Variants in SGCG observed in about 807,000 individuals in gnomAD.
The protein encoded by SGCG is sarcoglycan gamma.
Under a neutral mutation model 29.3 loss-of-function variants are expected in SGCG, and 26 were observed. That is an observed-to-expected ratio of 0.89 (90% CI 0.65 to 1.23). The LOEUF is 1.23. SGCG is among the 50% of genes most tolerant of loss of function. The pLI, the probability that SGCG is intolerant of heterozygous loss-of-function variation, is 0.00. For missense variants in SGCG, 353 were observed against 356.0 expected (o/e 0.99, Z 0.07); for synonymous variants, 145 against 129.7 (o/e 1.12, Z -0.80).
At chr13:23,247,397 AG>A (rs1484244218) in intron 3 of SGCG, among the ~76,000 whole-genome samples, 3 of 152,148 alleles carry the variant, frequency 2.0e-5, no homozygotes, top group African/African-American at 7.2e-5. Context: ...GATGGGAGGA[AG>A]GCTAAGGTAA....
chr13:23,187,033 G>C (rs1877004996), intron 1 of SGCG, among the ~76,000 whole-genome samples: 1 of 152,198 alleles, frequency 6.6e-6, no homozygotes, highest in Non-Finnish European at 1.5e-5. Context: ...AGTGTCTGCT[G>C]TGGACAGTTT....
chr13:23,235,957 G>C (rs1879292217), intron 3 of SGCG, among the ~76,000 whole-genome samples: 1 of 152,164 alleles, frequency 6.6e-6, no homozygotes, highest in South Asian at 2.1e-4. Context: ...CATGGCATGT[G>C]ACTAACACAT....
chr13:23,316,968 AG>A (rs1882839444), intron 6 of SGCG, among the ~76,000 whole-genome samples: 2 of 152,142 alleles, frequency 1.3e-5, no homozygotes, highest in South Asian at 4.1e-4. Context: ...GCACTTTGGG[AG>A]GCCAAGGTGG....
chr13:23,184,714 T>C lies in SGCG; in HGVS notation c.-1+3639T>C, dbSNP rs559865359. Reference sequence around the variant, plus strand: ...CCCTGTCTCACTTCTCTAAGAAGTGTCCTTGGCCTCAGCCCACACCTTGCC... The same window carrying C: ...CCCTGTCTCACTTCTCTAAGAAGTGCCCTTGGCCTCAGCCCACACCTTGCC... On this transcript the variant is annotated intron_variant, in intron 1 of 7. Coordinates refer to ENST00000218867, the MANE Select transcript of SGCG (RefSeq NM_000231.3). Among the ~76,000 whole-genome samples, 4 of 152,284 alleles carry C rather than the reference T, an allele frequency of 2.6e-5. No homozygotes were observed. In the South Asian group the frequency reaches 6.2e-4, roughly 24 times the overall value.
the SGCG span, among the ~76,000 whole-genome samples, chr13:23,167,060 C>T: frequency 1.3e-5 from 2 of 152,216 alleles, no homozygotes; most frequent in Non-Finnish European, 2.9e-5. Context: ...CACTACCCTT[C>T]CCAGCCTTTG....
Position 23,295,356 on chromosome 13 carries a change from T to G in SGCG, c.506-59T>G. The G allele has an allele frequency of 4.0e-6, 5 of 1,258,736 alleles. No individual in the cohort carries two copies. The South Asian group carries it at 4.8e-5, about 12-fold the overall frequency. 78.0% of individuals were successfully genotyped at this position (1,258,736 alleles called of 1,614,324 possible). On this transcript the variant is annotated intron_variant, in intron 5 of 7. Coordinates refer to ENST00000218867, the MANE Select transcript of SGCG (RefSeq NM_000231.3). The stretch of plus-strand genomic sequence containing the variant: ...CTTTAATATCTAGGCTAAATGTTTA[T>G]TTTGTTTGGTGTCACTTATTTTACT...
intron 6 of SGCG, among the ~76,000 whole-genome samples, chr13:23,297,837 C>A (rs543468911): frequency 2.6e-5 from 4 of 151,572 alleles, no homozygotes; most frequent in African/African-American, 7.3e-5. Context: ...CTCTGCCTCC[C>A]GGATTCAAGC....
Position 23,324,442 on chromosome 13 carries a change from G to A in SGCG, c.777G>A (p.Gln259=). The A allele has an allele frequency of 6.2e-7, 1 of 1,614,118 alleles. No homozygotes were observed. Among genetic ancestry groups the A allele is most frequent in the East Asian group, 2.2e-5 (1 of 44,876 alleles). The change falls in exon 8 of 8, where the codon CAG becomes CAA. Residue 259 remains glutamine (Q), a synonymous_variant. Coordinates refer to ENST00000218867, the MANE Select transcript of SGCG (RefSeq NM_000231.3). ...CGTGGGGTCCCTCTGGCAGCTCACA[G>A]AGCCTCTACGAAATCTGTGTGTGTC... ...QGTWGPSGSS[Q]SLYEICVCPD... is the part of the protein sequence containing the mutation.
intron 6 of SGCG, among the ~76,000 whole-genome samples, chr13:23,298,653 A>G (rs9510681): frequency 0.37 from 56,317 of 151,816 alleles, 10,992 homozygotes; most frequent in East Asian, 0.78. Context: ...AAATCATTCA[A>G]ATCTGTGGAA....
intron 5 of SGCG, among the ~76,000 whole-genome samples, chr13:23,283,683 T>C (rs1253700105): frequency 6.6e-6 from 1 of 152,220 alleles, no homozygotes; most frequent in Non-Finnish European, 1.5e-5. Context: ...ATTTTACCCA[T>C]TAGTTGATGC....
intron 1 of SGCG, among the ~76,000 whole-genome samples, chr13:23,186,463 G>C (rs1876976742): frequency 6.6e-6 from 1 of 152,182 alleles, no homozygotes; most frequent in Non-Finnish European, 1.5e-5. Flanking sequence ...CTCCCTGCTG[G>C]GAGCAGACTT....
At chr13:23,239,016 C>G in intron 3 of SGCG, among the ~76,000 whole-genome samples, 1 of 151,724 alleles carries the variant, frequency 6.6e-6, no homozygotes, top group East Asian at 1.9e-4. Context: ...ACTGGCATCT[C>G]CAAAGAAGAA....
chr13:23,194,158 T>A (rs1399761013), intron 1 of SGCG, among the ~76,000 whole-genome samples: 1 of 152,222 alleles, frequency 6.6e-6, no homozygotes, highest in East Asian at 1.9e-4. Flanking sequence ...AAATAACTTC[T>A]GGAAATACAT....
At chr13:23,209,455 C>G (rs2137509547) in intron 2 of SGCG, among the ~76,000 whole-genome samples, 1 of 152,250 alleles carries the variant, frequency 6.6e-6, no homozygotes, top group South Asian at 2.1e-4. Context: ...TCATAGGAAG[C>G]TGGGAAAATG....
intron 6 of SGCG, among the ~76,000 whole-genome samples, chr13:23,304,466 G>C (rs1627803): frequency 0.99 from 150,151 of 152,058 alleles, 74,169 homozygotes; most frequent in Middle Eastern, 1. Flanking sequence ...ACTTTTTCCC[G>C]TGTGATTTGA....
intron 1 of SGCG, among the ~76,000 whole-genome samples, chr13:23,188,721 G>A (rs1440987393): frequency 2.0e-5 from 3 of 152,098 alleles, no homozygotes; most frequent in Non-Finnish European, 4.4e-5. Flanking sequence ...GTCCAAAATG[G>A]CCTAGATCCC....
At chr13:23,225,956 G>A (rs1878878798) in intron 2 of SGCG, among the ~76,000 whole-genome samples, 1 of 152,094 alleles carries the variant, frequency 6.6e-6, no homozygotes, top group Non-Finnish European at 1.5e-5. Flanking sequence ...CCCCTACAAT[G>A]AGGAGCTTGG....
At chr13:23,292,119 C>CTTTTTTTTTTCTTTTT (rs71100167) in intron 5 of SGCG, among the ~76,000 whole-genome samples, 1 of 147,464 alleles carries the variant, frequency 6.8e-6, no homozygotes, top group Non-Finnish European at 1.5e-5. Flanking sequence ...ACATTTCTTT[C>CTTTTTTTTTTCTTTTT]TTTTTTTTGA....
At chr13:23,220,444 A>G (rs1241244184) in intron 2 of SGCG, among the ~76,000 whole-genome samples, 1 of 152,168 alleles carries the variant, frequency 6.6e-6, no homozygotes, top group Non-Finnish European at 1.5e-5. Context: ...GCGAAACTCC[A>G]TCCCAAAATA....
Sources: allele counts gnomAD v4.1 joint callset (sites outside exome capture counted in the v4.1 genomes callset), GRCh38; gene constraint gnomAD v4.1.1; transcripts MANE v1.5; gene names NCBI Gene and HGNC (gene_info 2026-07-23, HGNC 2026-07-21).